TMEM71: variants seen among roughly 807,000 people sequenced by gnomAD.
The protein encoded by TMEM71 is transmembrane protein 71.
TMEM71 carries 44 observed loss-of-function variants against 38.0 expected under a neutral mutation model. The observed-to-expected ratio is 1.16, with a 90% CI of 0.91 to 1.49. The LOEUF (loss-of-function observed/expected upper bound fraction) is 1.49, where lower values mean the gene tolerates loss of function less well. Among genes scored for constraint, TMEM71 ranks in the 40% most tolerant of loss-of-function variants. The pLI is 0.00. For synonymous variants in TMEM71, 133 were observed against 122.5 expected, an observed-to-expected ratio of 1.09 and a Z score of -0.56; for missense variants, 367 against 348.6, an observed-to-expected ratio of 1.05 and a Z score of -0.42.
chr8:132,708,934 T>G (rs910319879), downstream of TMEM71, among the ~76,000 whole-genome samples: 1 of 152,162 alleles, frequency 6.6e-6, no homozygotes, highest in Non-Finnish European at 1.5e-5. Context: ...CATTTTGGAC[T>G]GACCCCCAAA....
intron 6 of TMEM71, among the ~76,000 whole-genome samples, chr8:132,723,188 A>T (rs1034999754): frequency 1.3e-5 from 2 of 152,240 alleles, no homozygotes; most frequent in African/African-American, 4.8e-5. Context: ...GCAAATGTAC[A>T]GTTGTTCATG....
At chr8:132,741,300 T>C (rs887467203) in intron 5 of TMEM71, among the ~76,000 whole-genome samples, 2 of 151,726 alleles carry the variant, frequency 1.3e-5, no homozygotes, top group East Asian at 1.9e-4. Flanking sequence ...GAGACGGAGG[T>C]TGCAGTGTGT....
rs1338455732 is a variant in TMEM71, at chr8:132,730,303, G to A, written c.488-2317C>T. Among the ~76,000 whole-genome samples, 3 of 152,108 alleles carry A rather than the reference G, an allele frequency of 2.0e-5. No homozygotes were observed. In the East Asian group the frequency reaches 5.8e-4, roughly 29 times the overall value. On this transcript the variant is annotated intron_variant, in intron 5 of 9. Transcript: ENST00000677595. ...ACCTGGGAAATTAATATTTTAAAAA[G>A]TCTCAGGCTGGTACTAGCCCTGTGA...
rs375727318 is a variant in TMEM71, at chr8:132,757,280, C to G, written c.55G>C (p.Glu19Gln). ...STPVASSSRLEREYAGELSPT... is the reference protein window; with the variant it reads ...STPVASSSRLQREYAGELSPT... ...GACAGCTCTCCAGCATATTCTCTTT[C>G]CAACCTGGAAGAACCTGCATAAACA... is the stretch of plus-strand genomic sequence containing the variant. The change falls in exon 3 of 10, where the codon GAA becomes CAA. Residue 19 changes from glutamate to glutamine, a missense_variant. By Grantham distance (29) the Glu-to-Gln change is conservative. Transcript: ENST00000677595. 1.9e-6 allele frequency: 3 copies of G among 1,608,650 alleles called. No individual in the cohort carries two copies. The African/African-American group carries it at 4.0e-5, about 22-fold the overall frequency.
chr8:132,754,554 G>A (rs907160788), intron 3 of TMEM71, among the ~76,000 whole-genome samples: 3 of 152,110 alleles, frequency 2.0e-5, no homozygotes, highest in Non-Finnish European at 4.4e-5. Flanking sequence ...GTGCAGTAAA[G>A]ATCAACCAAA....
At chr8:132,750,362 G>A (rs969378136) in intron 4 of TMEM71, among the ~76,000 whole-genome samples, 3 of 152,200 alleles carry the variant, frequency 2.0e-5, no homozygotes, top group African/African-American at 7.2e-5. Context: ...ACTTGCCCAT[G>A]TAAGTTGAAT....
At chr8:132,771,327 T>A in the TMEM71 span, among the ~76,000 whole-genome samples, 1 of 152,218 alleles carries the variant, frequency 6.6e-6, no homozygotes, top group Admixed American at 6.5e-5. Context: ...TTCTGTTCAC[T>A]CTCTTGCTTC....
At chr8:132,738,003 C>G (rs891947922) in intron 5 of TMEM71, among the ~76,000 whole-genome samples, 1 of 152,124 alleles carries the variant, frequency 6.6e-6, no homozygotes, top group Non-Finnish European at 1.5e-5. Flanking sequence ...AATTCATTGT[C>G]TGTTTTGATG....
intron 5 of TMEM71, among the ~76,000 whole-genome samples, chr8:132,733,356 G>A (rs374633966): frequency 2.6e-5 from 4 of 152,300 alleles, no homozygotes; most frequent in Admixed American, 6.5e-5. Context: ...AAAATCTAAC[G>A]TAGGCCTGTT....
chr8:132,735,962 C>G (rs1827724582), intron 5 of TMEM71, among the ~76,000 whole-genome samples: 1 of 152,230 alleles, frequency 6.6e-6, no homozygotes, highest in East Asian at 1.9e-4. Context: ...AAAATGTAAC[C>G]TTATTTAATA....
intron 5 of TMEM71, among the ~76,000 whole-genome samples, chr8:132,733,720 A>G (rs540131644): frequency 9.8e-5 from 15 of 152,326 alleles, no homozygotes; most frequent in African/African-American, 3.6e-4. Context: ...TCCCAGCACC[A>G]TGCATGGTAG....
At chr8:132,765,921 TG>T in the TMEM71 span, among the ~76,000 whole-genome samples, 1 of 152,088 alleles carries the variant, frequency 6.6e-6, no homozygotes, top group African/African-American at 2.4e-5. Context: ...CCTGAGTAGC[TG>T]GGATTACAGG....
intron 5 of TMEM71, among the ~76,000 whole-genome samples, chr8:132,733,532 A>G (rs1366934454): frequency 2.0e-5 from 3 of 152,166 alleles, no homozygotes; most frequent in Non-Finnish European, 4.4e-5. Context: ...GGACTGGGAA[A>G]TTCCTACTAA....
In TMEM71 at chr8:132,710,902, G is replaced by T. The variant is rs1453519836; in HGVS notation, c.*65C>A. On this transcript the variant is annotated 3_prime_UTR_variant, in exon 10 of 10. Transcript: ENST00000677595. The stretch of plus-strand genomic sequence containing the variant: ...TAAAACACTTGATTCCAAGTAGACT[G>T]CAAGTTGGACAATTTCCAGATATTC... 1.4e-5 allele frequency: 20 copies of T among 1,480,708 alleles called. No individual in the cohort carries two copies. The highest frequency in any genetic ancestry group is 1.9e-5 in the Non-Finnish European group (20 of 1,061,368). The allele number at this position is 1,480,708 out of a possible 1,614,324, so 91.7% of individuals were successfully genotyped here.
chr8:132,711,021 C>T (rs1241598053), intron 9 of TMEM71, 39 bp from the exon 10 acceptor site: 1 of 1,599,090 alleles, frequency 6.3e-7, no homozygotes, highest in Admixed American at 1.8e-5. Context: ...CATAATTCAT[C>T]CCCATGCACA....
At chr8:132,749,247 C>T (rs1424438175) in intron 4 of TMEM71, among the ~76,000 whole-genome samples, 2 of 152,058 alleles carry the variant, frequency 1.3e-5, no homozygotes, top group Non-Finnish European at 2.9e-5. Flanking sequence ...TCAACCATGG[C>T]TGAAATCTAA....
In TMEM71 at chr8:132,709,965, T is replaced by G. The variant is rs1396745858; in HGVS notation, c.*1002A>C. On this transcript the variant is annotated 3_prime_UTR_variant, in exon 10 of 10. Transcript: ENST00000677595. ...ATAAATTTGCTGATGACTTCACTTA[T>G]TTATTAGTTTATTTTTTAACCAAAA... is the stretch of plus-strand genomic sequence containing the variant. 1 of 152,122 alleles carries G rather than the reference T, an allele frequency of 6.6e-6. No homozygotes were observed. The highest frequency in any genetic ancestry group is 6.5e-5 in the Admixed American group (1 of 15,270). 9.4% of individuals were successfully genotyped at this position (152,122 alleles called of 1,614,324 possible).
At chr8:132,753,848 T>G (rs1828862552) in intron 3 of TMEM71, among the ~76,000 whole-genome samples, 1 of 152,200 alleles carries the variant, frequency 6.6e-6, no homozygotes, top group African/African-American at 2.4e-5. Flanking sequence ...ATGGGCTTAA[T>G]AAATGTTCAC....
chr8:132,730,264 T>G (rs1827381294), intron 5 of TMEM71, among the ~76,000 whole-genome samples: 1 of 152,154 alleles, frequency 6.6e-6, no homozygotes, highest in Non-Finnish European at 1.5e-5. Flanking sequence ...GGCCTTGAGT[T>G]AAAATTTATA....
Sources: gnomAD v4.1 joint callset for allele counts (sites outside exome capture counted in the v4.1 genomes callset) on GRCh38, gnomAD v4.1.1 for gene constraint, MANE v1.5 for transcripts, NCBI Gene and HGNC (gene_info 2026-07-23, HGNC 2026-07-21) for gene names.